Variants in SPTBN4 observed in about 807,000 individuals in gnomAD.
The protein encoded by SPTBN4 is spectrin beta, non-erythrocytic 4.
A neutral mutation model predicts 277.8 loss-of-function variants in SPTBN4; 96 were observed. The ratio of observed to expected loss-of-function variants is 0.35; its 90% CI spans 0.29 to 0.41. The LOEUF (loss-of-function observed/expected upper bound fraction) is 0.41, where lower values mean the gene tolerates loss of function less well. SPTBN4 is among the 10% of genes least tolerant of loss of function. The pLI is 1.00. For synonymous variants in SPTBN4, 1,481 were observed against 1,580.3 expected (o/e 0.94, Z 1.49); for missense variants, 3,006 against 3,595.7 (o/e 0.84, Z 4.19).
chr19:40,563,417 A>C (rs1427366416), intron 27 of SPTBN4, among the ~76,000 whole-genome samples: 1 of 152,092 alleles, frequency 6.6e-6, no homozygotes, highest in Non-Finnish European at 1.5e-5. Context: ...GTGCTGTCCA[A>C]TAGTTATATA....
chr19:40,549,064 A>C lies in SPTBN4; in HGVS notation c.4360-125A>C, dbSNP rs908494965. 5.4e-6 allele frequency: 4 copies of C among 737,492 alleles called. No individual in the cohort carries two copies. The African/African-American group carries it at 5.5e-5, about 10-fold the overall frequency. The allele number at this position is 737,492 out of a possible 1,614,324, so 45.7% of individuals were successfully genotyped here. A position where few individuals can be genotyped will look rare whatever the true frequency, so the allele number is the denominator to read the frequency against. ...AGCGCATCGCTCCTGGAGGGGACTG[A>C]ACAAGGAGAGGGTGGAAGGGTGGGC... On this transcript the variant is annotated intron_variant, in intron 20 of 35. Coordinates refer to ENST00000598249, the MANE Select transcript of SPTBN4 (RefSeq NM_020971.3).
intron 20 of SPTBN4, among the ~76,000 whole-genome samples, chr19:40,536,421 C>T (rs1382472623): frequency 6.6e-6 from 1 of 152,094 alleles, no homozygotes; most frequent in Non-Finnish European, 1.5e-5. Flanking sequence ...ACCATGTTGG[C>T]CAGGCTGGTC....
rs749230970 is a variant in SPTBN4, at chr19:40,554,252, C to T, written c.4780C>T (p.Arg1594Trp). The change falls in exon 23 of 36, where the codon CGG (arginine) becomes TGG (tryptophan). Residue 1594 changes from arginine (R) to tryptophan (W), a missense_variant. Arg to Trp is a moderately radical substitution (Grantham distance 101). Around this residue, in one of 5 missense-constraint regions of SPTBN4, gnomAD observed 1,759 missense variants for 2,061.5 expected, o/e 0.85. Coordinates refer to ENST00000598249, the MANE Select transcript of SPTBN4 (RefSeq NM_020971.3). This position sits in a 1 kb window ranked among gnomAD's most constrained non-coding sequence, Gnocchi z 5.7. ...CAGCCCGGAGGCAGAGGCAGTGCGC[C>T]GGGGCCTGGAGCAGCTGCAGAGCGC... Reference protein sequence around the residue: ...LRSPEAEAVRRGLEQLQSAWA... With the variant: ...LRSPEAEAVRWGLEQLQSAWA... The T allele has an allele frequency of 4.0e-5, 61 of 1,528,220 alleles. No homozygotes were observed. Among genetic ancestry groups the T allele is most frequent in the Non-Finnish European group, 4.8e-5 (55 of 1,144,506 alleles). The allele number at this position is 1,528,220 out of a possible 1,614,324, so 94.7% of individuals were successfully genotyped here. A position where few individuals can be genotyped will look rare whatever the true frequency, so the allele number is the denominator to read the frequency against.
intron 27 of SPTBN4, among the ~76,000 whole-genome samples, chr19:40,562,715 T>TCCCCC (rs1197703745): frequency 6.6e-6 from 1 of 151,446 alleles, no homozygotes; most frequent in Non-Finnish European, 1.5e-5. Context: ...ATGCCTGTAA[T>TCCCCC]CCCAGCTACT....
intron 35 of SPTBN4, 123 bp from the exon 36 acceptor site, chr19:40,575,288 C>T (rs1247041096): frequency 8.6e-7 from 1 of 1,166,186 alleles, no homozygotes; most frequent in African/African-American, 1.5e-5. Context: ...GCATCATCAT[C>T]ATCATCCCTT....
Position 40,567,761 on chromosome 19 carries a change from GC to G in SPTBN4, c.6439del (p.Leu2147CysfsTer297). The part of the protein sequence containing the change: ...DPTELAAKAA[P>X]LLRPGGYERG... Reference sequence around the variant, plus strand: ...CCACGGAACTGGCGGCCAAGGCGGCGCCCCTGCTGCGGCCAGGGGGCTATGA... The same window carrying G: ...CCACGGAACTGGCGGCCAAGGCGGCGCCCTGCTGCGGCCAGGGGGCTATGA... On this transcript the variant is annotated frameshift_variant, in exon 31 of 36. Transcript: ENST00000598249. LOFTEE classifies it high-confidence loss of function. The G allele has an allele frequency of 6.5e-7, 1 of 1,539,430 alleles. No individual in the cohort carries two copies. Among genetic ancestry groups the G allele is most frequent in the Non-Finnish European group, 8.7e-7 (1 of 1,143,202 alleles).
At chr19:40,569,568 A>G (rs1227745124) in intron 31 of SPTBN4, 89 bp from the exon 32 acceptor site, 1 of 1,346,212 alleles carries the variant, frequency 7.4e-7, no homozygotes, top group Non-Finnish European at 1.0e-6. Context: ...ACTTCCAGCT[A>G]AGAAGTGGAG....
chr19:40,505,700 GAGGAAGGAAGGAAGGA>G lies in SPTBN4; in HGVS notation c.1666-497_1666-482del, dbSNP rs369584973. On this transcript the variant is annotated intron_variant, in intron 12 of 35. Coordinates refer to ENST00000598249, the MANE Select transcript of SPTBN4 (RefSeq NM_020971.3). ...AAGAAGAAGAAAAAAGAATGAAAGGGAGGAAGGAAGGAAGGAAGGAAGGAAGGAAGGAAGGAAGGAA... is the reference window on the plus strand; with the variant it reads ...AAGAAGAAGAAAAAAGAATGAAAGGGAGGAAGGAAGGAAGGAAGGAAGGAA... 5.5e-3 allele frequency among the ~76,000 whole-genome samples: 640 copies of G among 116,592 alleles called. 9 individuals are homozygous for G. The highest frequency in any genetic ancestry group is 0.02 in the African/African-American group (564 of 28,688). 76.5% of individuals were successfully genotyped at this position (116,592 alleles called of 152,430 possible). A position where few individuals can be genotyped will look rare whatever the true frequency, so the allele number is the denominator to read the frequency against.
intron 35 of SPTBN4, 109 bp downstream of exon 35, chr19:40,572,489 G>C (rs907477076): frequency 1.5e-6 from 2 of 1,376,334 alleles, no homozygotes; most frequent in African/African-American, 2.8e-5. Flanking sequence ...ACAGGCCAGA[G>C]TTATCAGGGC....
chr19:40,491,894 T>A (rs2080141247), intron 4 of SPTBN4, among the ~76,000 whole-genome samples: 1 of 151,350 alleles, frequency 6.6e-6, no homozygotes, highest in Non-Finnish European at 1.5e-5. Flanking sequence ...TGGTGGCACA[T>A]GCCTGTAATC....
rs765289531 is a variant in SPTBN4 at position 40,554,652 on chromosome 19, C to T, written c.5084+6C>T. ...GAGATGGGGCACCCGGACAGGTGGGCGGGCGCGTGGCCAGTTCACAGGAAT... is the reference window on the plus strand; with the variant it reads ...GAGATGGGGCACCCGGACAGGTGGGTGGGCGCGTGGCCAGTTCACAGGAAT... On this transcript the variant is annotated splice_donor_region_variant and intron_variant, in intron 24 of 35. Coordinates refer to ENST00000598249, the MANE Select transcript of SPTBN4 (RefSeq NM_020971.3). The surrounding 1 kb of genome is among the most constrained non-coding windows in gnomAD (Gnocchi z 5.7). The T allele has an allele frequency of 1.4e-5, 22 of 1,588,350 alleles. No individual in the cohort carries two copies. The highest frequency in any genetic ancestry group is 2.3e-5 in the East Asian group (1 of 44,138).
rs1568802265 is a variant in SPTBN4, at chr19:40,519,499, C to T, written c.3002C>T (p.Ala1001Val). The T allele has an allele frequency of 6.2e-7, 1 of 1,609,362 alleles. No homozygotes were observed. Among genetic ancestry groups the T allele is most frequent in the South Asian group, 1.1e-5 (1 of 90,516 alleles). Residue 1001 changes from alanine to valine, a missense_variant, in exon 16 of 36, where the codon GCC becomes GTC. This residue lies in a region of SPTBN4 where 1,759 missense variants were observed against 2,061.5 expected (regional missense o/e 0.85). Coordinates refer to ENST00000598249, the MANE Select transcript of SPTBN4 (RefSeq NM_020971.3). The surrounding 1 kb of genome is among the most constrained non-coding windows in gnomAD (Gnocchi z 5.7). ...GTGCTGGAGGTGGCCGAGGTGCGCG[C>T]CCAGGTGCGTGAGAAGCGGAGAGCT... is the stretch of plus-strand genomic sequence containing the variant. The part of the protein sequence containing the change: ...NHVLEVAEVR[A>V]QVREKRRAVE...
At chr19:40,485,225 C>T (rs979250472) in intron 2 of SPTBN4, among the ~76,000 whole-genome samples, 4 of 152,172 alleles carry the variant, frequency 2.6e-5, no homozygotes, top group East Asian at 1.9e-4. Flanking sequence ...TCTCGGCTCA[C>T]TGCAACCTCC....
At chr19:40,496,178 C>T (rs2080194998) in intron 6 of SPTBN4, among the ~76,000 whole-genome samples, 2 of 152,158 alleles carry the variant, frequency 1.3e-5, no homozygotes, top group Admixed American at 6.5e-5. Flanking sequence ...GAGGGTGAGT[C>T]TCACTCTGTC....
rs2080949183 is a variant in SPTBN4 at position 40,554,172 on chromosome 19, A to G, written c.4700A>G (p.His1567Arg). The G allele has an allele frequency of 2.8e-6, 4 of 1,447,778 alleles. No individual in the cohort carries two copies. The South Asian group carries it at 5.8e-5, about 21-fold the overall frequency. The allele number at this position is 1,447,778 out of a possible 1,614,324, so 89.7% of individuals were successfully genotyped here. The change falls in exon 23 of 36, where the codon CAT becomes CGT. Residue 1567 changes from histidine to arginine, a missense_variant. Physicochemically the swap from His to Arg is conservative, Grantham distance 29. This residue lies in a region of SPTBN4 where 1,759 missense variants were observed against 2,061.5 expected (regional missense o/e 0.85). Transcript: ENST00000598249. This position sits in a 1 kb window ranked among gnomAD's most constrained non-coding sequence, Gnocchi z 5.7. ...GGCCTGCGGCGGGAGATCCAGGCGC[A>G]TGGGCCGCGCCTGGAGGAGGTGCTG... ...NQGLRREIQAHGPRLEEVLER... is the reference protein window; with the variant it reads ...NQGLRREIQARGPRLEEVLER...
rs1465920710 is a variant in SPTBN4 at position 40,513,049 on chromosome 19, C to T, written c.2260C>T (p.Arg754Cys). 5 of 1,421,104 alleles carry T rather than the reference C, an allele frequency of 3.5e-6. No homozygotes were observed. The highest frequency in any genetic ancestry group is 6.2e-5 in the East Asian group (2 of 32,098). 88.0% of individuals were successfully genotyped at this position (1,421,104 alleles called of 1,614,324 possible). ...GGAGCGCGCGGCGAGCGCCCGGCGC[C>T]GCTGGCAGAGGCTGGAAGAGGCGGC... ...LAERAASARRRWQRLEEAAAR... is the reference protein window; with the variant it reads ...LAERAASARRCWQRLEEAAAR... Residue 754 changes from arginine to cysteine, a missense_variant, in exon 14 of 36, where the codon CGC becomes TGC. Around this residue, in one of 5 missense-constraint regions of SPTBN4, gnomAD observed 1,759 missense variants for 2,061.5 expected, o/e 0.85. Coordinates refer to ENST00000598249, the MANE Select transcript of SPTBN4 (RefSeq NM_020971.3).
rs1356351631 is a variant in SPTBN4, at chr19:40,560,768, C to T, written c.5915+365C>T. ...AACAATTCCAGCATCTCAGTGGCTT[C>T]ATTAGTGGGCATGGGCTTATTGCTC... On this transcript the variant is annotated intron_variant, in intron 27 of 35. Transcript: ENST00000598249. This position sits in a 1 kb window ranked among gnomAD's most constrained non-coding sequence, Gnocchi z 5.2. 1.6e-6 allele frequency: 2 copies of T among 1,275,322 alleles called. No individual in the cohort carries two copies. Among genetic ancestry groups the T allele is most frequent in the Non-Finnish European group, 2.0e-6 (2 of 1,002,636 alleles). The allele number at this position is 1,275,322 out of a possible 1,614,324, so 79.0% of individuals were successfully genotyped here. A position where few individuals can be genotyped will look rare whatever the true frequency, so the allele number is the denominator to read the frequency against.
At chr19:40,523,660 C>T (rs942926117) in intron 17 of SPTBN4, 21 bp downstream of exon 17, 1 of 1,588,672 alleles carries the variant, frequency 6.3e-7, no homozygotes, top group Non-Finnish European at 8.6e-7. Context: ...TAGACCCATC[C>T]ACCCCAGGGA....
chr19:40,495,897 T>C (rs1331638054), intron 6 of SPTBN4, among the ~76,000 whole-genome samples: 1 of 152,120 alleles, frequency 6.6e-6, no homozygotes, highest in Non-Finnish European at 1.5e-5. Flanking sequence ...CCCAGCTTTT[T>C]CTGCTGTGGA....
Sources: allele counts gnomAD v4.1 joint callset (sites outside exome capture counted in the v4.1 genomes callset), GRCh38; gene constraint gnomAD v4.1.1; regional missense constraint gnomAD v4.1.1; non-coding constraint Gnocchi (gnomAD v3.1); transcripts MANE v1.5; gene names NCBI Gene and HGNC (gene_info 2026-07-23, HGNC 2026-07-21).